MIPOL1: variants seen among roughly 807,000 people sequenced by gnomAD.
MIPOL1 encodes the protein mirror-image polydactyly 1.
MIPOL1 carries 57 observed loss-of-function variants against 60.9 expected under a neutral mutation model. That is an observed-to-expected ratio of 0.94 (90% CI 0.76 to 1.17). The LOEUF is 1.17. Among genes scored for constraint, MIPOL1 ranks in the 50% most tolerant of loss-of-function variants. The pLI is 0.00. For synonymous variants in MIPOL1, 179 were observed against 168.8 expected, an observed-to-expected ratio of 1.06 and a Z score of -0.47; for missense variants, 551 against 511.6, an observed-to-expected ratio of 1.08 and a Z score of -0.74.
At chr14:37,381,229 C>T (rs2092915337) in intron 10 of MIPOL1, among the ~76,000 whole-genome samples, 1 of 152,098 alleles carries the variant, frequency 6.6e-6, no homozygotes, top group South Asian at 2.1e-4. Context: ...TCATTACTAT[C>T]TTCCTCCTTA....
At chr14:37,434,226 T>C (rs538511067) in intron 11 of MIPOL1, among the ~76,000 whole-genome samples, 1 of 152,316 alleles carries the variant, frequency 6.6e-6, no homozygotes, top group Non-Finnish European at 1.5e-5. Flanking sequence ...ATCACCATTC[T>C]AACTGGCGTG....
intron 12 of MIPOL1, chr14:37,503,651 C>T (rs2095246754): frequency 1.3e-5 from 2 of 152,300 alleles, no homozygotes; most frequent in South Asian, 4.1e-4. Context: ...CTGCAAAAAA[C>T]ATGCCAAATT....
intron 4 of MIPOL1, 69 bp from the exon 5 acceptor site, chr14:37,268,589 A>G (rs2083053601): frequency 1.7e-6 from 2 of 1,193,984 alleles, no homozygotes; most frequent in South Asian, 1.4e-5. Flanking sequence ...ACTGTTCTCA[A>G]GTAGCATACA....
At chr14:37,200,513 C>T (rs1288876314) in intron 1 of MIPOL1, among the ~76,000 whole-genome samples, 1 of 152,024 alleles carries the variant, frequency 6.6e-6, no homozygotes, top group African/African-American at 2.4e-5. Flanking sequence ...TGATTGGTAA[C>T]AGTGGAATGT....
chr14:37,346,964 T>C (rs2090989657), intron 9 of MIPOL1, among the ~76,000 whole-genome samples: 1 of 152,148 alleles, frequency 6.6e-6, no homozygotes, highest in Non-Finnish European at 1.5e-5. Flanking sequence ...GTGAACACAT[T>C]ACATAACTGT....
chr14:37,310,545 T>C (rs1463276374), intron 9 of MIPOL1, among the ~76,000 whole-genome samples: 1 of 152,190 alleles, frequency 6.6e-6, no homozygotes, highest in African/African-American at 2.4e-5. Flanking sequence ...ACAATCTCTC[T>C]ATTTCCATAC....
intron 10 of MIPOL1, among the ~76,000 whole-genome samples, chr14:37,389,769 G>A (rs540035125): frequency 9.2e-5 from 14 of 151,428 alleles, no homozygotes; most frequent in African/African-American, 3.4e-4. Flanking sequence ...AAAAACAACA[G>A]ATTTTTGGTT....
intron 9 of MIPOL1, among the ~76,000 whole-genome samples, chr14:37,363,852 C>T (rs1237599106): frequency 6.6e-6 from 1 of 152,174 alleles, no homozygotes; most frequent in African/African-American, 2.4e-5. Flanking sequence ...GGATACCCCT[C>T]CCCCAGCCAA....
Position 37,248,324 on chromosome 14 carries a change from A to G in MIPOL1, c.19+417A>G, listed in dbSNP as rs74506659. ...GAGAAAGAGACACAGGAAGGAAGAT[A>G]CTTGAAGAGGGAAACACATAGAGGC... On this transcript the variant is annotated intron_variant, in intron 3 of 12. Transcript: ENST00000684589. Among the ~76,000 whole-genome samples the G allele has an allele frequency of 1.8e-3, 268 of 152,132 alleles. 1 individual carries two copies. The highest frequency in any genetic ancestry group is 6.0e-3 in the African/African-American group (251 of 41,520).
chr14:37,422,922 A>G lies in MIPOL1; in HGVS notation c.1004A>G (p.Glu335Gly). ...CAACAGTACAAAAAACTGGAAGAGG[A>G]AATCCAGACCCTTCGAGTTTACTAC... ...AVQQYKKLEE[E>G]IQTLRVYYSL... The change falls in exon 11 of 13, where the codon GAA becomes GGA. Residue 335 changes from glutamate to glycine, a missense_variant. Coordinates refer to ENST00000684589, the MANE Select transcript of MIPOL1 (RefSeq NM_001388067.1). The G allele has an allele frequency of 2.5e-6, 4 of 1,608,284 alleles. No individual in the cohort carries two copies. Among genetic ancestry groups the G allele is most frequent in the Non-Finnish European group, 3.4e-6 (4 of 1,176,452 alleles).
chr14:37,213,018 T>G (rs1966957597), intron 1 of MIPOL1, among the ~76,000 whole-genome samples: 1 of 152,190 alleles, frequency 6.6e-6, no homozygotes, highest in South Asian at 2.1e-4. Context: ...ATTACTAGTC[T>G]TGGGGTTCCC....
intron 9 of MIPOL1, among the ~76,000 whole-genome samples, chr14:37,338,108 A>AT (rs61425558): frequency 0.91 from 122,083 of 134,862 alleles, 55,445 homozygotes; most frequent in South Asian, 0.94. Context: ...ATTTAATTTA[A>AT]TTTTTTTTTT....
chr14:37,480,384 G>A (rs528172518), intron 11 of MIPOL1, among the ~76,000 whole-genome samples: 1 of 152,180 alleles, frequency 6.6e-6, no homozygotes, highest in Admixed American at 6.5e-5. Flanking sequence ...GGGATGCAAG[G>A]ATGGTGAAAC....
intron 9 of MIPOL1, among the ~76,000 whole-genome samples, chr14:37,367,917 A>C (rs2153493741): frequency 1.3e-5 from 2 of 152,182 alleles, no homozygotes; most frequent in East Asian, 3.9e-4. Flanking sequence ...ATTCTGACCA[A>C]ATATTTTGTT....
At position 37,420,876 on chromosome 14, in the gene MIPOL1, A is replaced by C. The variant is rs141327642; in HGVS notation, c.937-1979A>C. On this transcript the variant is annotated intron_variant, in intron 10 of 12. Transcript: ENST00000684589. Reference sequence around the variant, plus strand: ...CTGAACAAGATCACTGTAGCATAGGATAAGGGTATTTCTGAAAAAAGAAAT... The same window carrying C: ...CTGAACAAGATCACTGTAGCATAGGCTAAGGGTATTTCTGAAAAAAGAAAT... Among the ~76,000 whole-genome samples, 11 of 152,270 alleles carry C rather than the reference A, an allele frequency of 7.2e-5. No individual in the cohort carries two copies. In the East Asian group the frequency reaches 1.9e-3, roughly 27 times the overall value.
intron 12 of MIPOL1, among the ~76,000 whole-genome samples, chr14:37,522,685 G>A (rs1246544501): frequency 6.6e-6 from 1 of 152,046 alleles, no homozygotes; most frequent in South Asian, 2.1e-4. Context: ...TCCAAAAAAA[G>A]TATGTTGTGA....
At chr14:37,292,202 G>A (rs911443886) in intron 7 of MIPOL1, among the ~76,000 whole-genome samples, 30 of 152,080 alleles carry the variant, frequency 2.0e-4, no homozygotes, top group Admixed American at 1.8e-3. Flanking sequence ...TGGGATTACA[G>A]GTGTGAAGCG....
At chr14:37,423,998 A>G (rs1209957464) in intron 11 of MIPOL1, among the ~76,000 whole-genome samples, 1 of 152,156 alleles carries the variant, frequency 6.6e-6, no homozygotes, top group African/African-American at 2.4e-5. Context: ...CTATGGGTGC[A>G]AACTCTCAAG....
intron 9 of MIPOL1, among the ~76,000 whole-genome samples, chr14:37,358,847 A>G (rs745749632): frequency 6.6e-6 from 1 of 151,890 alleles, no homozygotes; most frequent in Admixed American, 6.6e-5. Context: ...ATCAGATCCT[A>G]TTTGTCAATT....
Sources: allele counts gnomAD v4.1 joint callset (sites outside exome capture counted in the v4.1 genomes callset), GRCh38; gene constraint gnomAD v4.1.1; transcripts MANE v1.5; gene names NCBI Gene and HGNC (gene_info 2026-07-23, HGNC 2026-07-21).